Variants in TFAP2B observed in about 807,000 individuals in gnomAD.
The protein encoded by TFAP2B is transcription factor AP-2-beta.
A neutral mutation model predicts 44.3 loss-of-function variants in TFAP2B; 9 were observed. That is an observed-to-expected ratio of 0.20 (90% confidence interval 0.12 to 0.35). The LOEUF is 0.35. TFAP2B is among the 10% of genes least tolerant of loss of function. The probability of loss-of-function intolerance (pLI) is 1.00; values close to 1 mark genes in which losing one functional copy is unlikely to be tolerated. For synonymous variants in TFAP2B, 270 were observed against 263.8 expected, an observed-to-expected ratio of 1.02 and a Z score of -0.23; for missense variants, 509 against 600.0, an observed-to-expected ratio of 0.85 and a Z score of 1.59.
chr6:50,837,486 G>A (rs1762645618), intron 4 of TFAP2B, among the ~76,000 whole-genome samples: 2 of 152,132 alleles, frequency 1.3e-5, no homozygotes, highest in African/African-American at 4.8e-5. Context: ...ATTTCAGTCT[G>A]CCCTCTCCTT....
At chr6:50,822,092 T>C in intron 1 of TFAP2B, 1 of 1,297,610 alleles carries the variant, frequency 7.7e-7, no homozygotes, top group South Asian at 1.2e-5. Flanking sequence ...TTTTTTTTAA[T>C]CATTGTTTGA....
At chr6:50,840,608 A>G (rs1458241913) in intron 6 of TFAP2B, among the ~76,000 whole-genome samples, 2 of 152,130 alleles carry the variant, frequency 1.3e-5, no homozygotes, top group African/African-American at 2.4e-5. Flanking sequence ...CCGAAGGTGC[A>G]TATTTCTGCT....
chr6:50,844,300 A>ACAC lies in TFAP2B; in HGVS notation c.*908_*909insCAC, dbSNP rs972927722. ...TTTTATGAACTATAGTAAAAAAAAAAAAACACACACACACACAATATGAAT... is the reference window on the plus strand; with the variant it reads ...TTTTATGAACTATAGTAAAAAAAAAACACAAACACACACACACACAATATGAAT... On this transcript the variant is annotated 3_prime_UTR_variant, in exon 7 of 7. Transcript: ENST00000393655. The ACAC allele has an allele frequency of 9.6e-5, 6 of 62,618 alleles. No homozygotes were observed. Among genetic ancestry groups the ACAC allele is most frequent in the East Asian group, 1.6e-3 (1 of 612 alleles). 3.9% of individuals were successfully genotyped at this position (62,618 alleles called of 1,614,324 possible).
intron 2 of TFAP2B, among the ~76,000 whole-genome samples, chr6:50,826,561 G>A (rs1477154302): frequency 1.3e-5 from 2 of 148,248 alleles, no homozygotes; most frequent in Admixed American, 1.3e-4. Context: ...CACCCATTGT[G>A]CATGAGCGCG....
chr6:50,841,700 T>A (rs779986374), intron 6 of TFAP2B, among the ~76,000 whole-genome samples: 49 of 152,124 alleles, frequency 3.2e-4, no homozygotes, highest in Non-Finnish European at 5.6e-4. Context: ...TTACTGGAGG[T>A]GGGGGCCTGG....
At chr6:50,842,521 TCCC>T in intron 6 of TFAP2B, among the ~76,000 whole-genome samples, 2 of 152,324 alleles carry the variant, frequency 1.3e-5, no homozygotes, top group East Asian at 3.9e-4. Flanking sequence ...ACTAGCTCCC[TCCC>T]CCAATACTGC....
chr6:50,826,118 A>G (rs1299276414), intron 2 of TFAP2B, among the ~76,000 whole-genome samples: 1 of 152,196 alleles, frequency 6.6e-6, no homozygotes, highest in Non-Finnish European at 1.5e-5. Context: ...AAAGTTACAC[A>G]AGCAGGTTGG....
chr6:50,824,612 C>T (rs1770452920), intron 2 of TFAP2B, among the ~76,000 whole-genome samples: 1 of 152,158 alleles, frequency 6.6e-6, no homozygotes, highest in South Asian at 2.1e-4. Flanking sequence ...CTCCACCTCC[C>T]TCTCCTGGCC....
chr6:50,819,732 C>T (rs1367267864), intron 1 of TFAP2B, among the ~76,000 whole-genome samples: 1 of 152,220 alleles, frequency 6.6e-6, no homozygotes, highest in East Asian at 1.9e-4. Flanking sequence ...GCCTCCGGGG[C>T]CCGGACCGCG....
At chr6:50,825,721 A>G (rs1192834865) in intron 2 of TFAP2B, among the ~76,000 whole-genome samples, 1 of 152,072 alleles carries the variant, frequency 6.6e-6, no homozygotes, top group Admixed American at 6.5e-5. Flanking sequence ...ACAGAGGTAG[A>G]GAGCTGAAAG....
In TFAP2B at chr6:50,843,242, C is replaced by G. The variant is rs1258928035; in HGVS notation, c.1233C>G (p.Cys411Trp). ...ACGGCTTCGGCGCCCCGGCCATTTG[C>G]GCCGCGCTCACGGCCCTGCAGAACT... ...ITHGFGAPAI[C>W]AALTALQNYL... Residue 411 changes from cysteine to tryptophan, a missense_variant, in exon 7 of 7, where the codon TGC (cysteine) becomes TGG (tryptophan). Transcript: ENST00000393655. The G allele has an allele frequency of 6.2e-7, 1 of 1,614,222 alleles. No homozygotes were observed. Among genetic ancestry groups the G allele is most frequent in the Non-Finnish European group, 8.5e-7 (1 of 1,180,048 alleles).
In TFAP2B at chr6:50,843,408, A is replaced by G; in HGVS notation, c.*16A>G. 6.2e-7 allele frequency: 1 copy of G among 1,606,228 alleles called. No individual in the cohort carries two copies. Among genetic ancestry groups the G allele is most frequent in the Non-Finnish European group, 8.5e-7 (1 of 1,177,544 alleles). The stretch of plus-strand genomic sequence containing the variant: ...CAGGAAATGAAAAATTTTTAAAAAA[A>G]GAAGGAAAAATGTTTTAAATACAAA... On this transcript the variant is annotated 3_prime_UTR_variant, in exon 7 of 7. Transcript: ENST00000393655.
intron 5 of TFAP2B, among the ~76,000 whole-genome samples, chr6:50,838,324 T>C: frequency 6.6e-6 from 1 of 152,188 alleles, no homozygotes; most frequent in East Asian, 1.9e-4. Flanking sequence ...CTCTGAAAAG[T>C]GCTCAGGTCC....
intron 4 of TFAP2B, among the ~76,000 whole-genome samples, chr6:50,836,680 A>C (rs1224414560): frequency 1.3e-5 from 2 of 149,942 alleles, no homozygotes; most frequent in African/African-American, 4.9e-5. Flanking sequence ...AAAAAACCCC[A>C]TAAGTTTCAT....
chr6:50,828,547 G>C (rs1214506381), intron 2 of TFAP2B, 72 bp from the exon 3 acceptor site: 2 of 1,369,250 alleles, frequency 1.5e-6, no homozygotes, highest in Admixed American at 3.4e-5. Flanking sequence ...CTCCAGTTTG[G>C]AATAACATGA....
intron 2 of TFAP2B, 110 bp from the exon 3 acceptor site, chr6:50,828,509 G>A (rs926727318): frequency 1.1e-6 from 1 of 899,092 alleles, no homozygotes; most frequent in South Asian, 1.5e-5. Context: ...AGCCCTTTGT[G>A]AATTAATATA....
chr6:50,837,611 T>C (rs1330082116), intron 4 of TFAP2B, among the ~76,000 whole-genome samples: 1 of 152,148 alleles, frequency 6.6e-6, no homozygotes, highest in Non-Finnish European at 1.5e-5. Context: ...TTCAGCAAGG[T>C]TGTGCTTGCC....
rs895726700 is a variant in TFAP2B, at chr6:50,823,589, C to T, written c.264C>T (p.His88=). 6.2e-7 allele frequency: 1 copy of T among 1,614,082 alleles called. No individual in the cohort carries two copies. The highest frequency in any genetic ancestry group is 8.5e-7 in the Non-Finnish European group (1 of 1,180,010). ...PYHQSQDPYS[H]VNDPYSLNPL... ...ACCAGAGCCAGGACCCCTACTCCCA[C>T]GTCAACGACCCCTACTCCCTGAACC... Residue 88 remains histidine (H), a synonymous_variant, in exon 2 of 7, where the codon CAC becomes CAT. Coordinates refer to ENST00000393655, the MANE Select transcript of TFAP2B (RefSeq NM_003221.4).
chr6:50,828,989 T>A (rs1770601013), intron 3 of TFAP2B, among the ~76,000 whole-genome samples: 1 of 152,252 alleles, frequency 6.6e-6, no homozygotes, highest in African/African-American at 2.4e-5. Context: ...TGGAATTGGC[T>A]GGTAAACACT....
Sources: gnomAD v4.1 joint callset for allele counts (sites outside exome capture counted in the v4.1 genomes callset) on GRCh38, gnomAD v4.1.1 for gene constraint, MANE v1.5 for transcripts, NCBI Gene and HGNC (gene_info 2026-07-23, HGNC 2026-07-21) for gene names.